PADI6: variants seen among roughly 807,000 people sequenced by gnomAD.
PADI6 encodes peptidyl arginine deiminase 6.
In PADI6, 66 loss-of-function variants were observed where a neutral mutation model predicts 78.2. The observed-to-expected ratio is 0.84, with a 90% CI of 0.69 to 1.04. PADI6 has a LOEUF of 1.04. PADI6 is among the 50% of genes least tolerant of loss of function. The pLI is 0.00. For missense variants in PADI6, 854 were observed against 866.1 expected (o/e 0.99, Z 0.18); for synonymous variants, 397 against 346.9 (o/e 1.14, Z -1.60).
chr1:17,372,784 C>G (rs567861215), intron 1 of PADI6, among the ~76,000 whole-genome samples: 37 of 152,230 alleles, frequency 2.4e-4, no homozygotes, highest in African/African-American at 7.7e-4. Context: ...GTGGCTCCCC[C>G]CTTCTTGGGA....
intron 5 of PADI6, 115 bp from the exon 6 acceptor site, chr1:17,381,852 C>T: frequency 8.0e-7 from 1 of 1,255,654 alleles, no homozygotes; most frequent in Non-Finnish European, 1.1e-6. Flanking sequence ...TAGCAAAAGG[C>T]AGGGGGTCCT....
chr1:17,384,524 T>C (rs564708752), intron 6 of PADI6, among the ~76,000 whole-genome samples: 15 of 152,056 alleles, frequency 9.9e-5, no homozygotes, highest in East Asian at 3.9e-4. Context: ...TGGATCACTT[T>C]TGAGGTCAGG....
At chr1:17,375,578 C>A in intron 3 of PADI6, 79 bp downstream of exon 3, 2 of 1,287,866 alleles carry the variant, frequency 1.6e-6, no homozygotes, top group South Asian at 1.3e-5. Context: ...TAGGAGGAGC[C>A]AAAAAAGATT....
At chr1:17,377,440 A>C (rs890511955) in intron 3 of PADI6, among the ~76,000 whole-genome samples, 4 of 152,142 alleles carry the variant, frequency 2.6e-5, no homozygotes, top group Admixed American at 2.6e-4. Context: ...CAGGCTCAGG[A>C]GGCAGGTCAC....
chr1:17,401,618 C>T lies in PADI6; in HGVS notation c.*180C>T. The T allele has an allele frequency of 4.8e-6, 3 of 624,764 alleles. No individual in the cohort carries two copies. The highest frequency in any genetic ancestry group is 3.0e-5 in the Admixed American group (1 of 33,388). The allele number at this position is 624,764 out of a possible 1,614,324, so 38.7% of individuals were successfully genotyped here. Reference sequence around the variant, plus strand: ...GGATGGCAAATGCCGCCAGCTTGAACCCCTATGGGGAAAAGATGCAAAAGT... The same window carrying T: ...GGATGGCAAATGCCGCCAGCTTGAATCCCTATGGGGAAAAGATGCAAAAGT... On this transcript the variant is annotated 3_prime_UTR_variant, in exon 16 of 16. Transcript: ENST00000619609.
At chr1:17,374,802 A>G (rs2074999391) in intron 2 of PADI6, among the ~76,000 whole-genome samples, 1 of 152,158 alleles carries the variant, frequency 6.6e-6, no homozygotes, top group Non-Finnish European at 1.5e-5. Flanking sequence ...TGGATCTGTC[A>G]CATGCTCTGG....
At chr1:17,396,480 G>T (rs571554007) in intron 13 of PADI6, among the ~76,000 whole-genome samples, 1 of 152,242 alleles carries the variant, frequency 6.6e-6, no homozygotes, top group Non-Finnish European at 1.5e-5. Flanking sequence ...GAGGGCCAGC[G>T]CACCTGGGAG....
chr1:17,374,170 A>G (rs1315309902), intron 2 of PADI6, among the ~76,000 whole-genome samples: 5 of 151,990 alleles, frequency 3.3e-5, no homozygotes, highest in Non-Finnish European at 4.4e-5. Context: ...GAGAACCATG[A>G]TGGAGCAGTT....
chr1:17,392,287 C>A, intron 9 of PADI6, 62 bp downstream of exon 9: 2 of 1,214,152 alleles, frequency 1.6e-6, no homozygotes, highest in South Asian at 1.3e-5. Flanking sequence ...CATGTGCCAC[C>A]TAAGAGGAAC....
intron 8 of PADI6, among the ~76,000 whole-genome samples, chr1:17,389,443 T>C (rs929805327): frequency 6.6e-6 from 1 of 152,146 alleles, no homozygotes; most frequent in African/African-American, 2.4e-5. Flanking sequence ...CTGGGGTGGC[T>C]GCCTCCTCTC....
chr1:17,380,206 T>G (rs754335324), intron 4 of PADI6, among the ~76,000 whole-genome samples: 5 of 152,166 alleles, frequency 3.3e-5, no homozygotes, highest in Non-Finnish European at 5.9e-5. Flanking sequence ...TTTTTTTTGT[T>G]TGTTTGTTTT....
chr1:17,386,764 G>A (rs1436298275), intron 6 of PADI6, among the ~76,000 whole-genome samples: 1 of 152,214 alleles, frequency 6.6e-6, no homozygotes, highest in Non-Finnish European at 1.5e-5. Flanking sequence ...AGGAGGGGCT[G>A]CTGCAGAACT....
At position 17,401,273 on chromosome 1, in the gene PADI6, C is replaced by G. The variant is rs1208120706; in HGVS notation, c.1920C>G (p.Thr640=). The stretch of plus-strand genomic sequence containing the variant: ...CTTTTGGGCCCCAAATCAAGGGGAC[C>G]TGCTGCCTGGAAGAAAAGATTTGCT... The part of the protein sequence containing the change: ...PKPFGPQIKG[T]CCLEEKICCL... The change falls in exon 16 of 16, where the codon ACC becomes ACG. Residue 640 remains threonine, a synonymous_variant. Transcript: ENST00000619609. 6.2e-7 allele frequency: 1 copy of G among 1,614,086 alleles called. No homozygotes were observed. The highest frequency in any genetic ancestry group is 1.1e-5 in the South Asian group (1 of 91,086).
Position 17,401,271 on chromosome 1 carries a change from A to G in PADI6, c.1918A>G (p.Thr640Ala). The G allele has an allele frequency of 6.2e-7, 1 of 1,614,058 alleles. No homozygotes were observed. Among genetic ancestry groups the G allele is most frequent in the Non-Finnish European group, 8.5e-7 (1 of 1,179,902 alleles). The change falls in exon 16 of 16, where the codon ACC (threonine) becomes GCC (alanine). Residue 640 changes from threonine to alanine, a missense_variant. Thr to Ala is a moderately conservative substitution (Grantham distance 58). Coordinates refer to ENST00000619609, the MANE Select transcript of PADI6 (RefSeq NM_207421.4). ...PKPFGPQIKG[T>A]CCLEEKICCL... is the part of the protein sequence containing the mutation. ...GCCTTTTGGGCCCCAAATCAAGGGG[A>G]CCTGCTGCCTGGAAGAAAAGATTTG... is the stretch of plus-strand genomic sequence containing the variant.
chr1:17,375,762 C>T (rs2075010008), intron 3 of PADI6, among the ~76,000 whole-genome samples: 1 of 152,206 alleles, frequency 6.6e-6, no homozygotes, highest in Admixed American at 6.5e-5. Context: ...TTCCGTGTCG[C>T]TGCCATCTAC....
chr1:17,381,032 C>T lies in PADI6; in HGVS notation c.436-15C>T. The T allele has an allele frequency of 6.4e-7, 1 of 1,574,058 alleles. No homozygotes were observed. The highest frequency in any genetic ancestry group is 1.3e-5 in the African/African-American group (1 of 74,166). On this transcript the variant is annotated splice_polypyrimidine_tract_variant and intron_variant, in intron 4 of 15. Coordinates refer to ENST00000619609, the MANE Select transcript of PADI6 (RefSeq NM_207421.4). ...TTGGCTCCTTCCTGAGCCAATGTTC[C>T]CATCTCATTTGCAGAAAAAATGGAT... is the stretch of plus-strand genomic sequence containing the variant.
chr1:17,385,367 A>T (rs1254177719), intron 6 of PADI6, among the ~76,000 whole-genome samples: 3 of 152,170 alleles, frequency 2.0e-5, no homozygotes, highest in Non-Finnish European at 2.9e-5. Context: ...GGGAGTGGAC[A>T]GTGTGTATAA....
chr1:17,374,302 T>C (rs6666424), intron 2 of PADI6, among the ~76,000 whole-genome samples: 32,931 of 151,750 alleles, frequency 0.22, 4,083 homozygotes, highest in African/African-American at 0.33. Context: ...GGCAACTCCC[T>C]GAGAGGCAAG....
chr1:17,372,902 G>A (rs2074975930), intron 1 of PADI6, among the ~76,000 whole-genome samples, 154 bp from the exon 2 acceptor site: 1 of 152,104 alleles, frequency 6.6e-6, no homozygotes, highest in Non-Finnish European at 1.5e-5. Context: ...GGTCCTTTGG[G>A]AGGGGGTGGG....
Sources: gnomAD v4.1 joint callset for allele counts (sites outside exome capture counted in the v4.1 genomes callset) on GRCh38, gnomAD v4.1.1 for gene constraint, MANE v1.5 for transcripts, NCBI Gene and HGNC (gene_info 2026-07-23, HGNC 2026-07-21) for gene names.